IL1RAP: variants seen among roughly 807,000 people sequenced by gnomAD.
The protein encoded by IL1RAP is interleukin 1 receptor accessory protein, also known as interleukin-1 receptor accessory protein.
IL1RAP carries 35 observed loss-of-function variants against 60.7 expected under a neutral mutation model. The ratio of observed to expected loss-of-function variants is 0.58; its 90% confidence interval spans 0.44 to 0.76. The LOEUF (loss-of-function observed/expected upper bound fraction) is 0.76. Among genes scored for constraint, IL1RAP ranks in the 30% least tolerant of loss-of-function variants. The probability of loss-of-function intolerance (pLI) is 0.00; values close to 1 mark genes in which losing one functional copy is unlikely to be tolerated. For synonymous variants in IL1RAP, 268 were observed against 250.9 expected, an observed-to-expected ratio of 1.07 and a Z score of -0.64; for missense variants, 572 against 693.9, an observed-to-expected ratio of 0.82 and a Z score of 1.97.
chr3:190,608,008 G>A lies in IL1RAP; in HGVS notation c.351-987G>A, dbSNP rs78521740. ...TCCTGAAAACATAGTTTTTCCCAAAGGTTGCTTATACCATTATTGACTCTG... is the reference window on the plus strand; with the variant it reads ...TCCTGAAAACATAGTTTTTCCCAAAAGTTGCTTATACCATTATTGACTCTG... On this transcript the variant is annotated intron_variant, in intron 4 of 11. Coordinates refer to ENST00000447382, the MANE Select transcript of IL1RAP (RefSeq NM_002182.4). Among the ~76,000 whole-genome samples the A allele has an allele frequency of 5.7e-3, 874 of 152,210 alleles. 8 individuals are homozygous for A. The highest frequency in any genetic ancestry group is 0.019 in the African/African-American group (799 of 41,526).
chr3:190,572,863 T>TTTTTTG (rs1727066291), intron 3 of IL1RAP, among the ~76,000 whole-genome samples: 1 of 27,668 alleles, frequency 3.6e-5, no homozygotes, highest in Admixed American at 2.9e-4. Context: ...TGCTTTGTTT[T>TTTTTTG]TTTTTTTTTT....
chr3:190,598,984 G>A (rs897302861), intron 3 of IL1RAP, among the ~76,000 whole-genome samples: 3 of 151,946 alleles, frequency 2.0e-5, no homozygotes, highest in African/African-American at 7.3e-5. Flanking sequence ...GTATGTTTTT[G>A]TAACCATTTT....
intron 3 of IL1RAP, among the ~76,000 whole-genome samples, chr3:190,568,281 T>C (rs974464259): frequency 6.6e-6 from 1 of 152,170 alleles, no homozygotes; most frequent in Non-Finnish European, 1.5e-5. Context: ...CTTCTACCTG[T>C]TTGATAGTTT....
At chr3:190,652,386 C>T (rs527512490), downstream of IL1RAP, among the ~76,000 whole-genome samples, 1 of 151,426 alleles carries the variant, frequency 6.6e-6, no homozygotes, top group African/African-American at 2.4e-5. Context: ...CGCTTGAACC[C>T]GGGAGGCGGA....
chr3:190,532,218 G>T (rs949109070), intron 1 of IL1RAP, among the ~76,000 whole-genome samples: 2 of 151,576 alleles, frequency 1.3e-5, no homozygotes, highest in African/African-American at 4.8e-5. Context: ...AGTGCTTACT[G>T]TGTGCCAGGT....
At chr3:190,518,240 A>G (rs1721702204) in intron 1 of IL1RAP, among the ~76,000 whole-genome samples, 1 of 152,092 alleles carries the variant, frequency 6.6e-6, no homozygotes, top group South Asian at 2.1e-4. Flanking sequence ...TATAGAGATG[A>G]TCTTTTGGCT....
chr3:190,644,293 C>T lies in IL1RAP; in HGVS notation c.1097C>T (p.Ala366Val), dbSNP rs1344890301. The change falls in exon 10 of 12, where the codon GCC (alanine) becomes GTC (valine). Residue 366 changes from alanine to valine, a missense_variant. By Grantham distance (64) the Ala-to-Val change is moderately conservative. Transcript: ENST00000447382. The stretch of plus-strand genomic sequence containing the variant: ...GTGGAACTGGCTTGTGGTTTTGGAG[C>T]CACAGTCCTGCTAGTGGTGATTCTC... The part of the protein sequence containing the change: ...YTVELACGFG[A>V]TVLLVVILIV... 6.2e-7 allele frequency: 1 copy of T among 1,613,672 alleles called. No individual in the cohort carries two copies. The highest frequency in any genetic ancestry group is 1.3e-5 in the African/African-American group (1 of 74,974).
intron 3 of IL1RAP, among the ~76,000 whole-genome samples, chr3:190,572,638 C>T (rs967666195): frequency 1.8e-4 from 28 of 152,142 alleles, no homozygotes; most frequent in Non-Finnish European, 3.4e-4. Context: ...TAAATACTCC[C>T]CCCTTTTTTT....
intron 7 of IL1RAP, among the ~76,000 whole-genome samples, chr3:190,624,400 G>A (rs1455517123): frequency 1.3e-5 from 2 of 152,224 alleles, no homozygotes; most frequent in African/African-American, 4.8e-5. Flanking sequence ...GCAAGATAGT[G>A]GTGCTCAGAG....
chr3:190,546,776 T>C (rs1450020933), intron 1 of IL1RAP, among the ~76,000 whole-genome samples: 3 of 152,170 alleles, frequency 2.0e-5, no homozygotes, highest in Admixed American at 6.5e-5. Context: ...CCTATGCAAA[T>C]TGGAGATTTC....
chr3:190,601,566 T>C (rs1279776247), intron 3 of IL1RAP, among the ~76,000 whole-genome samples: 2 of 152,258 alleles, frequency 1.3e-5, no homozygotes, highest in Non-Finnish European at 2.9e-5. Flanking sequence ...GTCAGAAAGC[T>C]TCAGATTCTT....
chr3:190,615,291 T>TA (rs1731169698), intron 5 of IL1RAP: 2 of 1,272,194 alleles, frequency 1.6e-6, no homozygotes, highest in African/African-American at 1.5e-5. Flanking sequence ...ACCATGTGTA[T>TA]AAATGGGAGA....
chr3:190,595,473 G>A (rs1029406681), intron 3 of IL1RAP, among the ~76,000 whole-genome samples: 5 of 152,100 alleles, frequency 3.3e-5, no homozygotes, highest in African/African-American at 9.7e-5. Flanking sequence ...TAACCAGTTT[G>A]CTCTTACCTT....
chr3:190,537,833 T>C (rs1439215068), intron 1 of IL1RAP, among the ~76,000 whole-genome samples: 1 of 152,154 alleles, frequency 6.6e-6, no homozygotes, highest in Non-Finnish European at 1.5e-5. Flanking sequence ...GATTTCTCCA[T>C]GGCATATCAT....
intron 7 of IL1RAP, among the ~76,000 whole-genome samples, chr3:190,625,505 A>G (rs1038142517): frequency 2.6e-5 from 4 of 152,198 alleles, no homozygotes; most frequent in African/African-American, 7.2e-5. Context: ...GACTTAACAA[A>G]ATGAGATTTG....
intron 1 of IL1RAP, among the ~76,000 whole-genome samples, chr3:190,547,494 G>A (rs368789754): frequency 6.6e-6 from 1 of 152,194 alleles, no homozygotes; most frequent in African/African-American, 2.4e-5. Context: ...TAACACTTTA[G>A]ATACAGAAAC....
chr3:190,655,379 C>T (rs116355106), downstream of IL1RAP, among the ~76,000 whole-genome samples: 2,872 of 152,040 alleles, frequency 0.019, 99 homozygotes, highest in African/African-American at 0.066. Context: ...GAAGAAAATA[C>T]TACAAAGATA....
At chr3:190,572,543 C>CA (rs1468483166) in intron 3 of IL1RAP, among the ~76,000 whole-genome samples, 1 of 152,110 alleles carries the variant, frequency 6.6e-6, no homozygotes, top group African/African-American at 2.4e-5. Flanking sequence ...AATATTCCTA[C>CA]ACGGGTTTCC....
chr3:190,653,338 T>C (rs917577956), downstream of IL1RAP, among the ~76,000 whole-genome samples: 39 of 152,344 alleles, frequency 2.6e-4, no homozygotes, highest in African/African-American at 8.7e-4. Context: ...CTAATTTGTT[T>C]ATCAGCCCTA....
Sources: gnomAD v4.1 joint callset for allele counts (sites outside exome capture counted in the v4.1 genomes callset) on GRCh38, gnomAD v4.1.1 for gene constraint, MANE v1.5 for transcripts, NCBI Gene and HGNC (gene_info 2026-07-23, HGNC 2026-07-21) for gene names.